SLC4A10: variants seen among roughly 807,000 people sequenced by gnomAD.
The protein encoded by SLC4A10 is sodium-driven chloride bicarbonate exchanger.
SLC4A10 carries 42 observed loss-of-function variants against 137.7 expected under a neutral mutation model. That is an observed-to-expected ratio of 0.30 (90% CI 0.24 to 0.39). SLC4A10 has a LOEUF of 0.39. Among genes scored for constraint, SLC4A10 ranks in the 10% least tolerant of loss-of-function variants. The pLI is 1.00. For missense variants in SLC4A10, 925 were observed against 1,355.0 expected (o/e 0.68, Z 4.98); for synonymous variants, 474 against 464.1 (o/e 1.02, Z -0.27).
Position 161,977,407 on chromosome 2 carries a change from A to G in SLC4A10, c.3345-315A>G, listed in dbSNP as rs181873334. ...TTCTTTCTTCTCTGTGTGTAAATGT[A>G]CAAACAACTCCTGTAGTTGTGGATG... is the stretch of plus-strand genomic sequence containing the variant. On this transcript the variant is annotated intron_variant, in intron 25 of 26. Coordinates refer to ENST00000446997, the MANE Select transcript of SLC4A10 (RefSeq NM_001178015.2). 8.0e-4 allele frequency: 389 copies of G among 484,652 alleles called. 3 individuals carry two copies. The highest frequency in any genetic ancestry group is 6.8e-3 in the African/African-American group (344 of 50,840). 30.0% of individuals were successfully genotyped at this position (484,652 alleles called of 1,614,324 possible). A position where few individuals can be genotyped will look rare whatever the true frequency, so the allele number is the denominator to read the frequency against.
chr2:161,770,831 C>G, intron 1 of SLC4A10, 142 bp from the exon 2 acceptor site: 2 of 512,324 alleles, frequency 3.9e-6, no homozygotes, highest in Non-Finnish European at 6.9e-6. Context: ...CCAACACTTA[C>G]TAATCAAATA....
At chr2:161,906,609 CT>C (rs1392045175) in intron 15 of SLC4A10, among the ~76,000 whole-genome samples, 1 of 152,132 alleles carries the variant, frequency 6.6e-6, no homozygotes, top group Non-Finnish European at 1.5e-5. Flanking sequence ...GTTTTTTATA[CT>C]GCAAATATCT....
Position 161,957,083 on chromosome 2 carries a change from T to A in SLC4A10, c.2636T>A (p.Val879Asp). 1.2e-6 allele frequency: 2 copies of A among 1,613,208 alleles called. No homozygotes were observed. The highest frequency in any genetic ancestry group is 8.5e-7 in the Non-Finnish European group (1 of 1,179,690). The change falls in exon 20 of 27, where the codon GTC becomes GAC. Residue 879 changes from valine to aspartate, a missense_variant. Around this residue, in one of 11 missense-constraint regions of SLC4A10, gnomAD observed 115 missense variants for 237.5 expected, o/e 0.48. Transcript: ENST00000446997. ...CTGCCATGGTTTGTGGCTGCCACAGTCCTCTCCATCACTCATGTCAATAGC... is the reference window on the plus strand; with the variant it reads ...CTGCCATGGTTTGTGGCTGCCACAGACCTCTCCATCACTCATGTCAATAGC... ...MGLPWFVAAT[V>D]LSITHVNSLK...
In SLC4A10 at chr2:161,976,772, T is replaced by C; in HGVS notation, c.3240T>C (p.Ser1080=). The change falls in exon 25 of 27, where the codon TCT becomes TCC. Residue 1080 remains serine, a synonymous_variant. Transcript: ENST00000446997. ...PLEGHYRDDP[S]VINISDEMSK... is the part of the protein sequence containing the mutation. ...AACTCCTGTCTAGAGATGATCCATCTGTGATCAATATATCTGATGAAATGT... is the reference window on the plus strand; with the variant it reads ...AACTCCTGTCTAGAGATGATCCATCCGTGATCAATATATCTGATGAAATGT... 1.9e-6 allele frequency: 3 copies of C among 1,577,672 alleles called. No individual in the cohort carries two copies. The highest frequency in any genetic ancestry group is 2.6e-6 in the Non-Finnish European group (3 of 1,159,520).
rs1296442757 is a variant in SLC4A10 at position 161,696,664 on chromosome 2, CA to C, written c.48+72099del. Among the ~76,000 whole-genome samples, 11 of 152,070 alleles carry C rather than the reference CA, an allele frequency of 7.2e-5. No homozygotes were observed. The South Asian group carries it at 1.9e-3, about 26-fold the overall frequency. On this transcript the variant is annotated intron_variant, in intron 1 of 26. Transcript: ENST00000446997. The stretch of plus-strand genomic sequence containing the variant: ...CATTTTTTATGGCTGCATAGTATTC[CA>C]TGGTGTATATGTACCACATTTTCTT...
Position 161,942,857 on chromosome 2 carries a change from T to A in SLC4A10, c.2063T>A (p.Ile688Asn), listed in dbSNP as rs1303810068. The change falls in exon 16 of 27, where the codon ATT (isoleucine) becomes AAT (asparagine). Residue 688 changes from isoleucine (I) to asparagine (N), a missense_variant. Transcript: ENST00000446997. ...TTGAAGGAATGGAGGGAATCCAATATTTCTGCCTCTGACATAATTTGGGAG... is the reference window on the plus strand; with the variant it reads ...TTGAAGGAATGGAGGGAATCCAATAATTCTGCCTCTGACATAATTTGGGAG... ...GTLKEWRESNISASDIIWENL... is the reference protein window; with the variant it reads ...GTLKEWRESNNSASDIIWENL... The A allele has an allele frequency of 3.1e-6, 5 of 1,603,556 alleles. No individual in the cohort carries two copies. Among genetic ancestry groups the A allele is most frequent in the Non-Finnish European group, 4.3e-6 (5 of 1,174,704 alleles).
chr2:161,730,994 G>A (rs1464416538), intron 1 of SLC4A10, among the ~76,000 whole-genome samples: 3 of 152,090 alleles, frequency 2.0e-5, no homozygotes, highest in Non-Finnish European at 4.4e-5. Context: ...GAATCATGAA[G>A]ATGTACATTT....
chr2:161,908,452 G>A (rs1408094180), intron 15 of SLC4A10, among the ~76,000 whole-genome samples: 1 of 108,722 alleles, frequency 9.2e-6, no homozygotes, highest in East Asian at 3.4e-4. Context: ...GGGGGGAGGG[G>A]GGAGGGATAG....
chr2:161,764,030 CA>C (rs1054915546), intron 1 of SLC4A10, among the ~76,000 whole-genome samples: 2 of 151,892 alleles, frequency 1.3e-5, no homozygotes, highest in Non-Finnish European at 2.9e-5. Flanking sequence ...AATAAACTGG[CA>C]AAAATATAAA....
At chr2:161,772,733 G>C (rs1009111924) in intron 2 of SLC4A10, among the ~76,000 whole-genome samples, 1 of 151,822 alleles carries the variant, frequency 6.6e-6, no homozygotes, top group Non-Finnish European at 1.5e-5. Flanking sequence ...TTACAATTTT[G>C]AAGGAAAACA....
intron 19 of SLC4A10, among the ~76,000 whole-genome samples, chr2:161,954,176 T>C (rs1313382525): frequency 2.0e-5 from 3 of 152,230 alleles, no homozygotes; most frequent in African/African-American, 7.2e-5. Flanking sequence ...TGGCATTTGA[T>C]ATGTTCTTTT....
At chr2:161,792,948 A>C (rs2054364373) in intron 2 of SLC4A10, among the ~76,000 whole-genome samples, 1 of 152,096 alleles carries the variant, frequency 6.6e-6, no homozygotes, top group Admixed American at 6.6e-5. Context: ...ATAATGAATA[A>C]ATATTAAATA....
chr2:161,818,288 T>C (rs1369794447), intron 3 of SLC4A10, among the ~76,000 whole-genome samples: 2 of 152,302 alleles, frequency 1.3e-5, no homozygotes, highest in Admixed American at 1.3e-4. Flanking sequence ...GTTTGTCTGT[T>C]ATTGGTGTAT....
chr2:161,682,303 T>C (rs1280401578), intron 1 of SLC4A10, among the ~76,000 whole-genome samples: 1 of 152,170 alleles, frequency 6.6e-6, no homozygotes, highest in Non-Finnish European at 1.5e-5. Context: ...GTGGAACTAT[T>C]TTCTTCTAAC....
chr2:161,691,362 C>CA (rs906879594), intron 1 of SLC4A10, among the ~76,000 whole-genome samples: 127 of 133,850 alleles, frequency 9.5e-4, no homozygotes, highest in Middle Eastern at 3.8e-3. Flanking sequence ...TTAATGGGTG[C>CA]AAAAAAAAAA....
At chr2:161,932,604 A>T (rs562425750) in intron 15 of SLC4A10, among the ~76,000 whole-genome samples, 18 of 152,282 alleles carry the variant, frequency 1.2e-4, no homozygotes, top group African/African-American at 4.3e-4. Flanking sequence ...GGATCAGATC[A>T]TGGAGGAACA....
chr2:161,738,348 C>G (rs1303971075), intron 1 of SLC4A10, among the ~76,000 whole-genome samples: 3 of 152,134 alleles, frequency 2.0e-5, no homozygotes, highest in African/African-American at 7.2e-5. Flanking sequence ...ACAAATTGGG[C>G]AGGCCTCTGA....
rs1473970036 is a variant in SLC4A10, at chr2:161,949,168, C to T, written c.2286C>T (p.Asp762=). 1.9e-6 allele frequency: 3 copies of T among 1,609,022 alleles called. No homozygotes were observed. In the East Asian group the frequency reaches 6.7e-5, roughly 36 times the overall value. Residue 762 remains aspartate, a synonymous_variant, in exon 18 of 27, where the codon GAC becomes GAT. Transcript: ENST00000446997. ...TTTAGGTTCGATCCATAGTGAGTGA[C>T]TTTGCTGTCTTTCTTACAATTCTGT... is the stretch of plus-strand genomic sequence containing the variant. ...FPTKVRSIVS[D]FAVFLTILCM...
At chr2:161,837,989 G>T (rs2058922521) in intron 3 of SLC4A10, among the ~76,000 whole-genome samples, 2 of 152,170 alleles carry the variant, frequency 1.3e-5, no homozygotes, top group Non-Finnish European at 2.9e-5. Flanking sequence ...ACCTAACCAT[G>T]TTGGCACCCT....
Sources: gnomAD v4.1 joint callset for allele counts (sites outside exome capture counted in the v4.1 genomes callset) on GRCh38, gnomAD v4.1.1 for gene constraint, gnomAD v4.1.1 regional missense constraint, MANE v1.5 for transcripts, NCBI Gene and HGNC (gene_info 2026-07-23, HGNC 2026-07-21) for gene names.